TXNDC8: variants seen among roughly 807,000 people sequenced by gnomAD.
TXNDC8 encodes the protein thioredoxin domain containing 8, also known as thioredoxin domain-containing protein 8.
TXNDC8 carries 15 observed loss-of-function variants against 12.9 expected under a neutral mutation model. The ratio of observed to expected loss-of-function variants is 1.16; its 90% CI spans 0.78 to 1.79. The LOEUF is 1.79. TXNDC8 is among the 40% of genes most tolerant of loss of function. TXNDC8 has a pLI of 0.00. For missense variants in TXNDC8, 128 were observed against 113.2 expected (o/e 1.13, Z -0.59); for synonymous variants, 40 against 35.4 (o/e 1.13, Z -0.46).
intron 3 of TXNDC8, among the ~76,000 whole-genome samples, chr9:110,319,716 C>T (rs974471488): frequency 1.3e-5 from 2 of 152,198 alleles, no homozygotes; most frequent in Admixed American, 1.3e-4. Context: ...CAACATCTTC[C>T]TCAAAAGTAT....
chr9:110,329,246 C>A (rs2118850942), intron 2 of TXNDC8: 1 of 1,612,010 alleles, frequency 6.2e-7, no homozygotes, highest in East Asian at 2.2e-5. Context: ...GAATTGTTCA[C>A]ATCCACATTA....
chr9:110,309,943 C>G (rs1235698630), intron 3 of TXNDC8, among the ~76,000 whole-genome samples: 1 of 143,096 alleles, frequency 7.0e-6, no homozygotes, highest in Non-Finnish European at 1.6e-5. Context: ...AACCAATAAT[C>G]TAAGTTCCTT....
Position 110,337,835 on chromosome 9 carries a change from G to A in TXNDC8, c.-39C>T. On this transcript the variant is annotated 5_prime_UTR_variant, in exon 1 of 5. Coordinates refer to ENST00000423740, the MANE Select transcript of TXNDC8 (RefSeq NM_001286946.2). ...AAGTGCTGATGAAAATCCCCTGTTG[G>A]TTTAGTTGGATCACTGTAGCTGTCT... 1 of 1,607,252 alleles carries A rather than the reference G, an allele frequency of 6.2e-7. No individual in the cohort carries two copies.
intron 2 of TXNDC8, 63 bp from the exon 4 acceptor site, chr9:110,326,303 G>A: frequency 6.4e-7 from 1 of 1,558,616 alleles, no homozygotes; most frequent in Non-Finnish European, 8.8e-7. Context: ...TACCAAGCAT[G>A]TTATTTGGTA....
chr9:110,327,557 A>G (rs1173089087), intron 2 of TXNDC8, among the ~76,000 whole-genome samples: 1 of 152,110 alleles, frequency 6.6e-6, no homozygotes, highest in African/African-American at 2.4e-5. Flanking sequence ...TCCTGACCTC[A>G]AGCGATCCAC....
intron 2 of TXNDC8, among the ~76,000 whole-genome samples, chr9:110,327,873 A>G (rs1345640204): frequency 2.6e-4 from 39 of 152,180 alleles, no homozygotes; most frequent in Non-Finnish European, 2.9e-5. Context: ...AATTGATTGT[A>G]GTGATGATTG....
chr9:110,321,049 G>T (rs1431350044), intron 3 of TXNDC8, among the ~76,000 whole-genome samples: 5 of 152,162 alleles, frequency 3.3e-5, no homozygotes, highest in Admixed American at 2.0e-4. Context: ...CCCATAATCT[G>T]CCATGGTCCT....
chr9:110,331,053 T>C (rs771818777), intron 2 of TXNDC8, among the ~76,000 whole-genome samples: 12 of 152,236 alleles, frequency 7.9e-5, no homozygotes, highest in Non-Finnish European at 1.3e-4. Flanking sequence ...CATTTCACCA[T>C]CCTGGAGAGC....
At chr9:110,311,540 T>C (rs1564096092) in intron 3 of TXNDC8, among the ~76,000 whole-genome samples, 1 of 123,510 alleles carries the variant, frequency 8.1e-6, no homozygotes, top group Non-Finnish European at 1.6e-5. Flanking sequence ...TATATATATA[T>C]ATATATATAT....
intron 1 of TXNDC8, among the ~76,000 whole-genome samples, chr9:110,334,996 C>T (rs1839690929): frequency 1.3e-5 from 2 of 152,104 alleles, no homozygotes; most frequent in African/African-American, 2.4e-5. Context: ...CTGTTTGTAT[C>T]ATCTAAGTAA....
intron 3 of TXNDC8, chr9:110,323,818 C>T: frequency 6.5e-7 from 1 of 1,533,680 alleles, no homozygotes; most frequent in South Asian, 1.2e-5. Flanking sequence ...GCTGTAGTAG[C>T]TTCAGACTCA....
intron 3 of TXNDC8, among the ~76,000 whole-genome samples, chr9:110,314,593 C>A (rs1370140871): frequency 6.6e-6 from 1 of 151,872 alleles, no homozygotes; most frequent in Admixed American, 6.6e-5. Context: ...CCACCCCGTC[C>A]GGCTAATTTT....
intron 2 of TXNDC8, among the ~76,000 whole-genome samples, chr9:110,330,649 G>A (rs1401775035): frequency 6.6e-6 from 1 of 152,156 alleles, no homozygotes; most frequent in Non-Finnish European, 1.5e-5. Flanking sequence ...AGCAAACTAT[G>A]CCCTGTGGAC....
chr9:110,306,415 G>C (rs1048018582), intron 3 of TXNDC8, among the ~76,000 whole-genome samples: 5 of 152,258 alleles, frequency 3.3e-5, no homozygotes, highest in Middle Eastern at 6.8e-3. Context: ...TCTCATCCCT[G>C]AAGCTCAAAA....
chr9:110,326,240 C>G lies in TXNDC8; in HGVS notation c.130G>C (p.Glu44Gln). The G allele has an allele frequency of 6.2e-7, 1 of 1,613,918 alleles. No individual in the cohort carries two copies. The highest frequency in any genetic ancestry group is 8.5e-7 in the Non-Finnish European group (1 of 1,179,906). ...TTGATGTGACAAGTTTCAGCCAGCT[C>G]CTGGGAAAGCAAAGAAATGGCATGA... is the stretch of plus-strand genomic sequence containing the variant. The change falls in exon 3 of 5, where the codon GAG becomes CAG. Residue 44 changes from glutamate (E) to glutamine (Q), a missense_variant and splice_region_variant. Glu to Gln is a conservative substitution (Grantham distance 29). Transcript: ENST00000423740.
At chr9:110,308,576 C>A (rs117744587) in intron 3 of TXNDC8, among the ~76,000 whole-genome samples, 2,194 of 152,040 alleles carry the variant, frequency 0.014, 29 homozygotes, top group Non-Finnish European at 0.02. Flanking sequence ...GGTAACAAGG[C>A]CTCTCTAATT....
rs118001630 is a variant in TXNDC8, at chr9:110,336,113, G to A, written c.24+1660C>T. 2.2e-4 allele frequency among the ~76,000 whole-genome samples: 33 copies of A among 152,236 alleles called. No individual in the cohort carries two copies. The East Asian group carries it at 5.6e-3, about 26-fold the overall frequency. On this transcript the variant is annotated intron_variant, in intron 1 of 4. Transcript: ENST00000423740. ...TCAGACATGCCTTTGCCCCTCCTTC[G>A]CCTTCACCATGATTGTGAGGTCTTC...
At chr9:110,329,364 C>T in intron 2 of TXNDC8, 73 bp from the exon 3 acceptor site, 1 of 1,213,594 alleles carries the variant, frequency 8.2e-7, no homozygotes, top group Non-Finnish European at 1.2e-6. Flanking sequence ...AGTGTCTTTT[C>T]AGTAGAAAAG....
intron 3 of TXNDC8, among the ~76,000 whole-genome samples, 175 bp downstream of exon 4, chr9:110,326,000 T>G (rs527514230): frequency 4.6e-5 from 7 of 152,318 alleles, no homozygotes; most frequent in Admixed American, 4.6e-4. Context: ...CTTTGTAAAG[T>G]TGTATGTAAA....
Sources: allele counts gnomAD v4.1 joint callset (sites outside exome capture counted in the v4.1 genomes callset), GRCh38; gene constraint gnomAD v4.1.1; transcripts MANE v1.5; gene names NCBI Gene and HGNC (gene_info 2026-07-23, HGNC 2026-07-21).